Variants in ADGRL3 observed in about 807,000 individuals in gnomAD.
ADGRL3 encodes the protein adhesion G protein-coupled receptor L3, also known as calcium-independent alpha-latrotoxin receptor 3.
ADGRL3 carries 62 observed loss-of-function variants against 153.5 expected under a neutral mutation model. That is an observed-to-expected ratio of 0.40 (90% CI 0.33 to 0.50). ADGRL3 has a LOEUF of 0.50. Among genes scored for constraint, ADGRL3 ranks in the 20% least tolerant of loss-of-function variants. The pLI is 0.47. For missense variants in ADGRL3, 1,641 were observed against 1,859.4 expected, an observed-to-expected ratio of 0.88 and a Z score of 2.16; for synonymous variants, 710 against 672.5, an observed-to-expected ratio of 1.06 and a Z score of -0.86.
At chr4:61,381,637 A>C (rs2151902935) in intron 1 of ADGRL3, among the ~76,000 whole-genome samples, 1 of 151,976 alleles carries the variant, frequency 6.6e-6, no homozygotes, top group Non-Finnish European at 1.5e-5. Context: ...GGAAAAAAAT[A>C]AAAGATCTTA....
intron 17 of ADGRL3, among the ~76,000 whole-genome samples, chr4:61,954,395 C>T (rs989699472): frequency 6.6e-6 from 1 of 151,900 alleles, no homozygotes; most frequent in Non-Finnish European, 1.5e-5. Context: ...GTCTGTTTCC[C>T]TCTTTGTTTC....
intron 6 of ADGRL3, among the ~76,000 whole-genome samples, chr4:61,697,587 A>T (rs1243766148): frequency 1.3e-5 from 2 of 152,004 alleles, no homozygotes; most frequent in Non-Finnish European, 2.9e-5. Context: ...TATTATCCAG[A>T]ACTTCAAGGA....
chr4:61,237,440 A>C (rs1753265434), intron 1 of ADGRL3, among the ~76,000 whole-genome samples: 1 of 152,162 alleles, frequency 6.6e-6, no homozygotes, highest in Non-Finnish European at 1.5e-5. Flanking sequence ...TGACACAAGG[A>C]GGAGCACAAA....
chr4:61,841,023 A>AT (rs1488601264), intron 9 of ADGRL3, among the ~76,000 whole-genome samples: 1 of 120,190 alleles, frequency 8.3e-6, no homozygotes, highest in African/African-American at 4.4e-5. Context: ...TGCTAGGTGT[A>AT]CTTAACATTG....
At chr4:61,738,646 C>T (rs1373668930) in intron 8 of ADGRL3, among the ~76,000 whole-genome samples, 2 of 151,950 alleles carry the variant, frequency 1.3e-5, no homozygotes, top group Non-Finnish European at 2.9e-5. Flanking sequence ...ATTCCAGTTC[C>T]TTACTTTTCC....
At chr4:61,773,275 T>C (rs560364018) in intron 8 of ADGRL3, among the ~76,000 whole-genome samples, 1 of 152,212 alleles carries the variant, frequency 6.6e-6, no homozygotes, top group Non-Finnish European at 1.5e-5. Context: ...CATTATGTGA[T>C]CAGTTATCCC....
At chr4:61,304,289 T>C (rs1409265066) in intron 1 of ADGRL3, among the ~76,000 whole-genome samples, 1 of 152,238 alleles carries the variant, frequency 6.6e-6, no homozygotes, top group Non-Finnish European at 1.5e-5. Flanking sequence ...TGTGCAATTC[T>C]CAAGGGAATA....
intron 3 of ADGRL3, among the ~76,000 whole-genome samples, chr4:61,498,270 G>T (rs189723168): frequency 8.5e-5 from 13 of 152,206 alleles, no homozygotes; most frequent in African/African-American, 2.6e-4. Context: ...CAAAAGAACG[G>T]CTGGGCACCA....
chr4:61,295,883 A>G (rs1286695368), intron 1 of ADGRL3, among the ~76,000 whole-genome samples: 1 of 152,016 alleles, frequency 6.6e-6, no homozygotes, highest in African/African-American at 2.4e-5. Context: ...TGAAGCAGGA[A>G]GATCGCTTGC....
Position 61,491,562 on chromosome 4 carries a change from C to T in ADGRL3, c.-173-5559C>T, listed in dbSNP as rs183494255. On this transcript the variant is annotated intron_variant, in intron 2 of 26. Coordinates refer to ENST00000683033, the MANE Select transcript of ADGRL3 (RefSeq NM_001387552.1). ...TGATTAAATAAAACAACTGGTTATT[C>T]TTCTTTGTAATTTATATCATTTCTT... Among the ~76,000 whole-genome samples the T allele has an allele frequency of 8.9e-4, 136 of 152,094 alleles. 1 individual carries two copies. The highest frequency in any genetic ancestry group is 3.2e-3 in the African/African-American group (133 of 41,512).
intron 9 of ADGRL3, among the ~76,000 whole-genome samples, chr4:61,816,381 G>T (rs1248743688): frequency 6.6e-6 from 1 of 152,160 alleles, no homozygotes; most frequent in Non-Finnish European, 1.5e-5. Context: ...TTGCCCTGGT[G>T]TCTCTAGGGT....
intron 1 of ADGRL3, among the ~76,000 whole-genome samples, chr4:61,336,621 C>T (rs148728378): frequency 3.3e-5 from 5 of 151,966 alleles, no homozygotes; most frequent in Non-Finnish European, 7.4e-5. Flanking sequence ...GGGCTCATTA[C>T]GCCTTTCAGT....
intron 2 of ADGRL3, among the ~76,000 whole-genome samples, chr4:61,435,097 A>T (rs2097428404): frequency 6.6e-6 from 1 of 152,056 alleles, no homozygotes; most frequent in African/African-American, 2.4e-5. Context: ...TGCCAGAACA[A>T]TTTTGGTATG....
intron 2 of ADGRL3, among the ~76,000 whole-genome samples, chr4:61,484,377 C>T (rs2098166779): frequency 6.6e-6 from 1 of 152,184 alleles, no homozygotes; most frequent in African/African-American, 2.4e-5. Flanking sequence ...GTCAATATCC[C>T]TACCTAATAC....
At chr4:61,890,090 T>A (rs927786944) in intron 9 of ADGRL3, among the ~76,000 whole-genome samples, 2 of 152,186 alleles carry the variant, frequency 1.3e-5, no homozygotes, top group Non-Finnish European at 2.9e-5. Context: ...ATTTAACTAA[T>A]AATAGGTAAC....
chr4:61,885,782 C>A (rs186486175), intron 9 of ADGRL3, among the ~76,000 whole-genome samples: 2 of 152,068 alleles, frequency 1.3e-5, no homozygotes, highest in Non-Finnish European at 2.9e-5. Flanking sequence ...TATGTAAGCT[C>A]GGGGGAATTA....
At chr4:61,246,389 CG>C (rs1304592717) in intron 1 of ADGRL3, among the ~76,000 whole-genome samples, 1 of 151,832 alleles carries the variant, frequency 6.6e-6, no homozygotes, top group East Asian at 1.9e-4. Context: ...TATCAAGCAT[CG>C]GGGGGAGTTT....
intron 9 of ADGRL3, among the ~76,000 whole-genome samples, chr4:61,869,068 G>A (rs2098419729): frequency 6.6e-6 from 1 of 152,090 alleles, no homozygotes; most frequent in Admixed American, 6.6e-5. Flanking sequence ...TCAGCATCCT[G>A]AGTAGCTGGG....
intron 5 of ADGRL3, among the ~76,000 whole-genome samples, chr4:61,620,628 T>C (rs895214203): frequency 6.8e-6 from 1 of 147,912 alleles, no homozygotes; most frequent in African/African-American, 2.5e-5. Flanking sequence ...ATAGTGTAAA[T>C]TGTGACTTTT....
Sources: allele counts gnomAD v4.1 joint callset (sites outside exome capture counted in the v4.1 genomes callset), GRCh38; gene constraint gnomAD v4.1.1; transcripts MANE v1.5; gene names NCBI Gene and HGNC (gene_info 2026-07-23, HGNC 2026-07-21).